Variants in LPIN2 observed in about 807,000 individuals in gnomAD.
LPIN2 encodes the protein lipin 2.
A neutral mutation model predicts 111.4 loss-of-function variants in LPIN2; 55 were observed. The ratio of observed to expected loss-of-function variants is 0.49; its 90% CI spans 0.40 to 0.62. LPIN2 has a LOEUF of 0.62. Ranked by LOEUF, LPIN2 falls within the 20% of genes least tolerant of loss-of-function variation. The pLI is 0.00. For missense variants in LPIN2, 992 were observed against 1,112.1 expected (o/e 0.89, Z 1.54); for synonymous variants, 425 against 414.0 (o/e 1.03, Z -0.32).
Position 2,963,758 on chromosome 18 carries a change from G to GGCATAAATAAAAATATTA in LPIN2, c.-9-2927_-9-2910dup, listed in dbSNP as rs541524303. On this transcript the variant is annotated intron_variant, in intron 1 of 19. Coordinates refer to ENST00000677752, the MANE Select transcript of LPIN2 (RefSeq NM_001375808.2). ...CAGCATCCCTATCTTGAGGCTTACG[G>GGCATAAATAAAAATATTA]GCATAAATAAAAATATTAAAGTGCA... is the stretch of plus-strand genomic sequence containing the variant. 5.4e-4 allele frequency among the ~76,000 whole-genome samples: 82 copies of GGCATAAATAAAAATATTA among 151,966 alleles called. 1 individual carries two copies. The East Asian group carries it at 0.01, about 19-fold the overall frequency.
intron 1 of LPIN2, among the ~76,000 whole-genome samples, chr18:2,962,831 CAT>C (rs946547868): frequency 4.6e-5 from 7 of 151,810 alleles, no homozygotes; most frequent in South Asian, 2.1e-4. Context: ...AAAAAAAAAA[CAT>C]GTTAGACCTT....
chr18:2,996,478 T>A (rs1435832488), intron 1 of LPIN2, among the ~76,000 whole-genome samples: 1,473 of 114,830 alleles, frequency 0.013, 72 homozygotes, highest in Admixed American at 0.095. Context: ...TTTTTTTTTT[T>A]TTTTTTTTTT....
At chr18:3,011,590 G>A (rs1459962836) in intron 1 of LPIN2, 1 of 152,280 alleles carries the variant, frequency 6.6e-6, no homozygotes, top group Non-Finnish European at 1.5e-5. Flanking sequence ...GGGAGGCTGG[G>A]GCACAAGAAT....
chr18:2,993,403 C>T (rs1038459833), intron 1 of LPIN2, among the ~76,000 whole-genome samples: 4 of 152,190 alleles, frequency 2.6e-5, no homozygotes, highest in Non-Finnish European at 5.9e-5. Context: ...ATTTGAACAA[C>T]TCACTGAATA....
chr18:2,957,651 C>T (rs943067833), intron 2 of LPIN2, among the ~76,000 whole-genome samples: 15 of 152,110 alleles, frequency 9.9e-5, no homozygotes, highest in Non-Finnish European at 1.5e-4. Context: ...TCTCTCTCCA[C>T]TGGGATTGAT....
At chr18:2,926,658 T>A (rs2077135389) in intron 13 of LPIN2, 65 bp downstream of exon 13, 1 of 1,418,106 alleles carries the variant, frequency 7.1e-7, no homozygotes, top group Admixed American at 1.8e-5. Context: ...CAAAATCAAC[T>A]TAGAAGTAAT....
At chr18:2,921,441 C>T in intron 18 of LPIN2, 92 bp downstream of exon 18, 1 of 955,468 alleles carries the variant, frequency 1.0e-6, no homozygotes, top group Non-Finnish European at 1.7e-6. Flanking sequence ...GCTTACAAAA[C>T]TGCTTTGAGA....
At chr18:2,975,017 T>C (rs559032098) in intron 1 of LPIN2, among the ~76,000 whole-genome samples, 7 of 152,268 alleles carry the variant, frequency 4.6e-5, no homozygotes, top group African/African-American at 1.7e-4. Flanking sequence ...AAACAAAAAT[T>C]GTTTAAACCC....
intron 1 of LPIN2, among the ~76,000 whole-genome samples, chr18:2,983,399 C>T (rs2078140960): frequency 6.6e-6 from 1 of 152,184 alleles, no homozygotes. Flanking sequence ...GATAATGCAA[C>T]ACTGTAAAAT....
chr18:2,924,512 A>T lies in LPIN2; in HGVS notation c.1973T>A (p.Val658Asp). The change falls in exon 15 of 20, where the codon GTT becomes GAT. Residue 658 changes from valine (V) to aspartate (D), a missense_variant. By Grantham distance (152) the Val-to-Asp change is radical. Transcript: ENST00000677752. ...ATACTGGGTTGTAATACTAAACACAACATCATTTGGGCCATCGTGGAGCTT... is the reference window on the plus strand; with the variant it reads ...ATACTGGGTTGTAATACTAAACACATCATCATTTGGGCCATCGTGGAGCTT... ...KLKLHDGPND[V>D]VFSITTQYQG... The T allele has an allele frequency of 1.2e-6, 2 of 1,614,230 alleles. No homozygotes were observed. Among genetic ancestry groups the T allele is most frequent in the Non-Finnish European group, 1.7e-6 (2 of 1,180,028 alleles).
rs2077268653 is a variant in LPIN2 at position 2,935,145 on chromosome 18, T to C, written c.1169-695A>G. Among the ~76,000 whole-genome samples the C allele has an allele frequency of 3.9e-5, 6 of 152,308 alleles. 2 individuals are homozygous for C. In the South Asian group the frequency reaches 1.2e-3, roughly 32 times the overall value. On this transcript the variant is annotated intron_variant, in intron 7 of 19. Coordinates refer to ENST00000677752, the MANE Select transcript of LPIN2 (RefSeq NM_001375808.2). ...TTGCTAAAGTGAGGTACACAAAATG[T>C]TAAAAATGCGTAAAACACACTAAGA...
rs970233181 is a variant in LPIN2, at chr18:2,982,601, G to C, written c.-9-21752C>G. The C allele has an allele frequency of 1.5e-5, 9 of 613,194 alleles. No individual in the cohort carries two copies. The African/African-American group carries it at 1.5e-4, about 11-fold the overall frequency. The allele number at this position is 613,194 out of a possible 1,614,324, so 38.0% of individuals were successfully genotyped here. ...TTCTTTTGGTGGATGCCATCCCCTT[G>C]TCTCTCAGTAGTGTCCAGATTGAGC... On this transcript the variant is annotated intron_variant, in intron 1 of 19. Transcript: ENST00000677752.
chr18:2,954,899 A>G (rs987223203), intron 2 of LPIN2, among the ~76,000 whole-genome samples: 2 of 152,198 alleles, frequency 1.3e-5, no homozygotes, highest in African/African-American at 4.8e-5. Context: ...ATTGTCAAAC[A>G]TTTGCACACT....
chr18:2,996,696 C>G (rs2078350737), intron 1 of LPIN2, among the ~76,000 whole-genome samples: 1 of 151,816 alleles, frequency 6.6e-6, no homozygotes, highest in African/African-American at 2.4e-5. Context: ...CCAGGATGGT[C>G]TCGATCTCCT....
intron 1 of LPIN2, among the ~76,000 whole-genome samples, chr18:3,011,236 T>G (rs1010054147): frequency 2.0e-5 from 3 of 152,186 alleles, no homozygotes; most frequent in Admixed American, 6.5e-5. Context: ...TGCTTTACTA[T>G]AGTATTAAAG....
chr18:2,982,683 G>A (rs951714765), intron 1 of LPIN2: 1 of 1,300,518 alleles, frequency 7.7e-7, no homozygotes, highest in African/African-American at 1.5e-5. Flanking sequence ...TACCAGGAGG[G>A]GACTTGTCAT....
intron 4 of LPIN2, among the ~76,000 whole-genome samples, chr18:2,943,256 G>C (rs542336337): frequency 1.9e-4 from 28 of 149,790 alleles, no homozygotes; most frequent in African/African-American, 6.6e-4. Flanking sequence ...TAACTTTTTT[G>C]ACAAACCGAT....
At chr18:2,945,808 A>C (rs2077442726) in intron 4 of LPIN2, 12 of 1,402,898 alleles carry the variant, frequency 8.6e-6, no homozygotes, top group Non-Finnish European at 1.2e-5. Flanking sequence ...TTTTTAGCCT[A>C]TACTGAAATG....
At chr18:2,944,332 AC>A (rs2077412673) in intron 4 of LPIN2, among the ~76,000 whole-genome samples, 1 of 106,298 alleles carries the variant, frequency 9.4e-6, no homozygotes, top group Non-Finnish European at 1.9e-5. Context: ...ATTTCCACAA[AC>A]TTTTTTTTTT....
Sources: allele counts gnomAD v4.1 joint callset (sites outside exome capture counted in the v4.1 genomes callset), GRCh38; gene constraint gnomAD v4.1.1; transcripts MANE v1.5; gene names NCBI Gene and HGNC (gene_info 2026-07-23, HGNC 2026-07-21).